CDH12: variants seen among roughly 807,000 people sequenced by gnomAD.
CDH12 encodes cadherin-12.
Under a neutral mutation model 74.1 loss-of-function variants are expected in CDH12, and 41 were observed. The observed-to-expected ratio is 0.55, with a 90% CI of 0.43 to 0.72. CDH12 has a LOEUF of 0.72. Among genes scored for constraint, CDH12 ranks in the 30% least tolerant of loss-of-function variants. CDH12 has a pLI of 0.00. For synonymous variants in CDH12, 399 were observed against 355.0 expected (o/e 1.12, Z -1.39); for missense variants, 945 against 977.2 (o/e 0.97, Z 0.44).
chr5:22,816,941 C>T (rs1275656298), intron 1 of CDH12, among the ~76,000 whole-genome samples: 2 of 152,158 alleles, frequency 1.3e-5, no homozygotes, highest in African/African-American at 2.4e-5. Context: ...CCTTCCATAA[C>T]AACTTGAATC....
rs564712885 is a variant in CDH12 at position 22,419,265 on chromosome 5, G to A, written c.-427-13914C>T. On this transcript the variant is annotated intron_variant, in intron 2 of 14. Transcript: ENST00000382254. ...TATCAACCCATCACCTAGACATTAAGCCCCACATGCATTAGCTATTTGTCT... is the reference window on the plus strand; with the variant it reads ...TATCAACCCATCACCTAGACATTAAACCCCACATGCATTAGCTATTTGTCT... Among the ~76,000 whole-genome samples, 7 of 152,126 alleles carry A rather than the reference G, an allele frequency of 4.6e-5. No homozygotes were observed. The East Asian group carries it at 1.4e-3, about 29-fold the overall frequency.
chr5:21,772,868 C>G (rs893457399), intron 11 of CDH12, among the ~76,000 whole-genome samples: 22 of 151,984 alleles, frequency 1.4e-4, no homozygotes, highest in African/African-American at 5.3e-4. Flanking sequence ...TAATCAGATA[C>G]TAATTAAGAA....
intron 4 of CDH12, among the ~76,000 whole-genome samples, chr5:22,106,256 C>G (rs1486215374): frequency 6.6e-6 from 1 of 152,086 alleles, no homozygotes; most frequent in African/African-American, 2.4e-5. Flanking sequence ...AACAAACCTT[C>G]ATATGTATCC....
At chr5:22,505,038 A>G (rs568709623) in intron 2 of CDH12, among the ~76,000 whole-genome samples, 1 of 152,088 alleles carries the variant, frequency 6.6e-6, no homozygotes, top group South Asian at 2.1e-4. Context: ...TAAAAAATAA[A>G]TAATTATAAA....
At chr5:22,326,664 T>C (rs186494274) in intron 3 of CDH12, among the ~76,000 whole-genome samples, 169 of 152,270 alleles carry the variant, frequency 1.1e-3, no homozygotes, top group Middle Eastern at 6.8e-3. Flanking sequence ...GAACAAGAAA[T>C]AGACATTAGG....
chr5:22,731,023 T>A (rs1211028380), intron 1 of CDH12, among the ~76,000 whole-genome samples: 3 of 151,840 alleles, frequency 2.0e-5, no homozygotes, highest in Non-Finnish European at 4.4e-5. Context: ...AATCAAGTGT[T>A]CAGATGTGTT....
intron 5 of CDH12, among the ~76,000 whole-genome samples, chr5:21,978,035 G>A (rs1191470912): frequency 1.2e-4 from 18 of 152,094 alleles, no homozygotes; most frequent in Non-Finnish European, 2.2e-4. Context: ...AAATGACATT[G>A]GCTCTTGTTG....
At chr5:22,437,551 T>TAATA (rs61578838) in intron 2 of CDH12, among the ~76,000 whole-genome samples, 18 of 148,632 alleles carry the variant, frequency 1.2e-4, no homozygotes, top group South Asian at 6.3e-4. Flanking sequence ...AATTTAAAAA[T>TAATA]AATAAATAAA....
chr5:22,639,357 A>G (rs1341773910), intron 1 of CDH12, among the ~76,000 whole-genome samples: 1 of 151,774 alleles, frequency 6.6e-6, no homozygotes, highest in African/African-American at 2.4e-5. Flanking sequence ...CCTAGTTCCA[A>G]TATTTTCAAT....
chr5:22,662,802 G>T (rs1740418866), intron 1 of CDH12, among the ~76,000 whole-genome samples: 1 of 152,000 alleles, frequency 6.6e-6, no homozygotes, highest in South Asian at 2.1e-4. Flanking sequence ...TGGCTTGCTG[G>T]GCAAAGAAGG....
In CDH12 at chr5:22,004,856, T is replaced by G. The variant is rs181098377; in HGVS notation, c.232-29471A>C. 7.6e-3 allele frequency among the ~76,000 whole-genome samples: 1,157 copies of G among 152,266 alleles called. 15 individuals carry two copies. The highest frequency in any genetic ancestry group is 0.026 in the African/African-American group (1,101 of 41,556). On this transcript the variant is annotated intron_variant, in intron 5 of 14. Transcript: ENST00000382254. ...CCTATTATTTTCCTCTTTATGTCCA[T>G]GTGTACTCATTGTTTAGCTTCCACT...
chr5:22,229,507 A>C (rs1752313929), intron 3 of CDH12, among the ~76,000 whole-genome samples: 1 of 152,010 alleles, frequency 6.6e-6, no homozygotes, highest in African/African-American at 2.4e-5. Context: ...GCACAAAAGT[A>C]AATTCAAATC....
intron 1 of CDH12, among the ~76,000 whole-genome samples, chr5:22,817,829 C>T (rs916844483): frequency 3.9e-5 from 6 of 152,234 alleles, no homozygotes; most frequent in East Asian, 1.9e-4. Context: ...CAATACAACT[C>T]TTTTTCTTTC....
At chr5:22,038,587 G>GA (rs1286186838) in intron 5 of CDH12, among the ~76,000 whole-genome samples, 2 of 152,136 alleles carry the variant, frequency 1.3e-5, no homozygotes, top group African/African-American at 2.4e-5. Context: ...ATTGCCTCCT[G>GA]AAAAAATGGT....
In CDH12 at chr5:22,686,161, C is replaced by G. The variant is rs146941218; in HGVS notation, c.-523+166897G>C. On this transcript the variant is annotated intron_variant, in intron 1 of 14. Transcript: ENST00000382254. ...CTTAAAGACAAATGATATGGAATGT[C>G]TTTTTATGTGCTTATTGGGCATTTT... Among the ~76,000 whole-genome samples, 479 of 152,004 alleles carry G rather than the reference C, an allele frequency of 3.2e-3. 4 individuals carry two copies. Among genetic ancestry groups the G allele is most frequent in the African/African-American group, 0.011 (460 of 41,486 alleles).
intron 3 of CDH12, among the ~76,000 whole-genome samples, chr5:22,283,251 TACACAC>T (rs70959712): frequency 3.9e-5 from 4 of 102,064 alleles, no homozygotes; most frequent in African/African-American, 1.6e-4. Context: ...TATATATATA[TACACAC>T]ACACACACAC....
intron 3 of CDH12, among the ~76,000 whole-genome samples, chr5:22,399,578 T>C (rs577653492): frequency 3.3e-5 from 5 of 152,158 alleles, no homozygotes; most frequent in African/African-American, 1.2e-4. Context: ...GAAAGAAGGA[T>C]CCAGAGGCCA....
chr5:22,071,118 T>C (rs756999252), intron 5 of CDH12, among the ~76,000 whole-genome samples: 3 of 152,108 alleles, frequency 2.0e-5, no homozygotes, highest in Non-Finnish European at 4.4e-5. Flanking sequence ...TGCACATGTA[T>C]CCTGGCATTT....
At chr5:21,932,386 A>C (rs940814381) in intron 6 of CDH12, among the ~76,000 whole-genome samples, 9 of 152,220 alleles carry the variant, frequency 5.9e-5, no homozygotes, top group African/African-American at 2.2e-4. Flanking sequence ...GCAGTTAAAA[A>C]CACAAACATA....
Sources: allele counts gnomAD v4.1 joint callset (sites outside exome capture counted in the v4.1 genomes callset), GRCh38; gene constraint gnomAD v4.1.1; transcripts MANE v1.5; gene names NCBI Gene and HGNC (gene_info 2026-07-23, HGNC 2026-07-21).